The following SSH1 variants were observed in gnomAD, a reference collection of about 807,000 sequenced individuals.
SSH1 encodes slingshot protein phosphatase 1, also known as protein phosphatase Slingshot homolog 1.
In SSH1, 43 loss-of-function variants were observed where a neutral mutation model predicts 79.7. That is an observed-to-expected ratio of 0.54 (90% CI 0.42 to 0.70). The LOEUF (loss-of-function observed/expected upper bound fraction) is 0.70. Among genes scored for constraint, SSH1 ranks in the 30% least tolerant of loss-of-function variants. The probability of loss-of-function intolerance (pLI) is 0.00; values close to 1 mark genes in which losing one functional copy is unlikely to be tolerated. For synonymous variants in SSH1, 599 were observed against 538.3 expected (o/e 1.11, Z -1.56); for missense variants, 1,206 against 1,358.8 (o/e 0.89, Z 1.77).
intron 2 of SSH1, chr12:108,827,631 C>G (rs754347606): frequency 1.8e-6 from 2 of 1,121,478 alleles, no homozygotes; most frequent in Non-Finnish European, 2.2e-6. Flanking sequence ...TGCACTCCTA[C>G]GGGCTTTTCT....
intron 2 of SSH1, among the ~76,000 whole-genome samples, chr12:108,845,544 AGGTGT>A (rs951382723): frequency 6.6e-6 from 1 of 152,118 alleles, no homozygotes; most frequent in African/African-American, 2.4e-5. Flanking sequence ...AAAATTGGCC[AGGTGT>A]GGTGGTATGC....
chr12:108,817,378 A>C, intron 4 of SSH1: 1 of 522,666 alleles, frequency 1.9e-6, no homozygotes, highest in Non-Finnish European at 3.5e-6. Flanking sequence ...GTTCGAGACC[A>C]GCCTGGCCAA....
intron 2 of SSH1, among the ~76,000 whole-genome samples, chr12:108,845,136 G>A (rs144138825): frequency 6.2e-4 from 93 of 150,296 alleles, no homozygotes; most frequent in African/African-American, 2.2e-3. Flanking sequence ...TTGAACCCAG[G>A]AGGCAGAGGC....
intron 1 of SSH1, among the ~76,000 whole-genome samples, chr12:108,855,203 A>G (rs555855503): frequency 1.3e-5 from 2 of 152,360 alleles, no homozygotes; most frequent in Non-Finnish European, 2.9e-5. Context: ...ATGAACTTTG[A>G]AAACGTGATG....
intron 12 of SSH1, among the ~76,000 whole-genome samples, chr12:108,800,157 G>C (rs367691272): frequency 3.1e-4 from 47 of 152,308 alleles, no homozygotes; most frequent in African/African-American, 9.4e-4. Context: ...TGATTGTCTT[G>C]ACAGCATCTC....
intron 2 of SSH1, among the ~76,000 whole-genome samples, chr12:108,846,097 C>T (rs996865810): frequency 6.6e-6 from 1 of 151,988 alleles, no homozygotes; most frequent in African/African-American, 2.4e-5. Context: ...CAAGTGGAGA[C>T]CAAAAGGGGA....
At chr12:108,793,705 ATT>A (rs2036614303) in intron 13 of SSH1, among the ~76,000 whole-genome samples, 1 of 152,148 alleles carries the variant, frequency 6.6e-6, no homozygotes, top group African/African-American at 2.4e-5. Context: ...CCTGTAATAC[ATT>A]TTTAAAATGT....
In SSH1 at chr12:108,789,053, G is replaced by C; in HGVS notation, c.2085C>G (p.Ala695=). ...GCTTCTCCGGAACACGGGACCTGCT[G>C]GCCAAGTGGGCCACAGGGGAGGACG... ...HITSSPVAHL[A]SRSRVPEKPA... Residue 695 remains alanine (A), a synonymous_variant, in exon 15 of 15, where the codon GCC becomes GCG. Transcript: ENST00000326495. The C allele has an allele frequency of 6.2e-7, 1 of 1,610,150 alleles. No homozygotes were observed. The highest frequency in any genetic ancestry group is 1.1e-5 in the South Asian group (1 of 91,000).
In SSH1 at chr12:108,815,208, C is replaced by T. The variant is rs961470584; in HGVS notation, c.401+1830G>A. Among the ~76,000 whole-genome samples the T allele has an allele frequency of 3.3e-5, 5 of 152,224 alleles. No individual in the cohort carries two copies. The South Asian group carries it at 1.0e-3, about 32-fold the overall frequency. The stretch of plus-strand genomic sequence containing the variant: ...CTCCAAGTCCCAGCCCGGCCACTAA[C>T]CGGGATGACCCTGGGGTAATCACTG... On this transcript the variant is annotated intron_variant, in intron 5 of 14. Transcript: ENST00000326495.
rs1036489941 is a variant in SSH1, at chr12:108,809,288, C to CA, written c.536+404dup. On this transcript the variant is annotated intron_variant, in intron 7 of 14. Transcript: ENST00000326495. ...GCAACATAGTGAGACCCCATCTCTA[C>CA]AAAAAAAAAAATAGAAAAGTTAGCC... Among the ~76,000 whole-genome samples the CA allele has an allele frequency of 2.3e-3, 321 of 140,642 alleles. 1 individual carries two copies. Among genetic ancestry groups the CA allele is most frequent in the African/African-American group, 5.4e-3 (210 of 38,580 alleles). 92.3% of individuals were successfully genotyped at this position (140,642 alleles called of 152,430 possible). A position where few individuals can be genotyped will look rare whatever the true frequency, so the allele number is the denominator to read the frequency against.
intron 1 of SSH1, among the ~76,000 whole-genome samples, chr12:108,855,082 AT>A (rs2039118035): frequency 1.3e-5 from 2 of 152,216 alleles, no homozygotes; most frequent in Admixed American, 6.5e-5. Flanking sequence ...ATAATTGAAA[AT>A]GTATCTAGTA....
At chr12:108,801,340 G>A (rs2036994864) in intron 11 of SSH1, among the ~76,000 whole-genome samples, 1 of 152,114 alleles carries the variant, frequency 6.6e-6, no homozygotes, top group African/African-American at 2.4e-5. Context: ...CTTGGGAACT[G>A]CCTTAAATCT....
At chr12:108,827,055 T>G (rs918601694) in intron 2 of SSH1, among the ~76,000 whole-genome samples, 5 of 151,156 alleles carry the variant, frequency 3.3e-5, no homozygotes, top group Non-Finnish European at 5.9e-5. Flanking sequence ...AATGTTTTTA[T>G]CTCCACCACA....
intron 14 of SSH1, among the ~76,000 whole-genome samples, chr12:108,791,652 A>G (rs545233729): frequency 2.6e-5 from 4 of 152,152 alleles, no homozygotes; most frequent in Non-Finnish European, 5.9e-5. Context: ...CCAGCTACTC[A>G]GGAGGCTGAG....
In SSH1 at chr12:108,788,495, C is replaced by T. The variant is rs1277715389; in HGVS notation, c.2643G>A (p.Glu881=). 2 of 1,555,732 alleles carry T rather than the reference C, an allele frequency of 1.3e-6. No individual in the cohort carries two copies. The highest frequency in any genetic ancestry group is 1.7e-6 in the Non-Finnish European group (2 of 1,153,706). ...ATGAAGCGGGGGCGGCCTCTGACTT[C>T]TCATCACTCCCGGCCTGGCTGGGCA... ...LVMPSQAGSD[E]KSEAAPASLE... is the part of the protein sequence containing the mutation. The change falls in exon 15 of 15, where the codon GAG becomes GAA. Residue 881 remains glutamate, a synonymous_variant. Coordinates refer to ENST00000326495, the MANE Select transcript of SSH1 (RefSeq NM_018984.4).
chr12:108,809,088 C>A (rs2037440706), intron 7 of SSH1, among the ~76,000 whole-genome samples: 1 of 151,822 alleles, frequency 6.6e-6, no homozygotes, highest in South Asian at 2.1e-4. Flanking sequence ...CCCACCGTGG[C>A]CTCCCAAAGT....
chr12:108,837,503 G>T (rs1002361171), intron 2 of SSH1, among the ~76,000 whole-genome samples: 2 of 152,138 alleles, frequency 1.3e-5, no homozygotes, highest in Non-Finnish European at 2.9e-5. Context: ...GTATTCCAAG[G>T]GTAATGGAGT....
intron 2 of SSH1, among the ~76,000 whole-genome samples, chr12:108,845,512 A>AC (rs1231676930): frequency 6.6e-6 from 1 of 152,078 alleles, no homozygotes; most frequent in Non-Finnish European, 1.5e-5. Flanking sequence ...ACATGATGAA[A>AC]CCCTGTCTCT....
chr12:108,788,829 T>A lies in SSH1; in HGVS notation c.2309A>T (p.Glu770Val). The change falls in exon 15 of 15, where the codon GAA becomes GTA. Residue 770 changes from glutamate (E) to valine (V), a missense_variant. By Grantham distance (121) the Glu-to-Val change is moderately radical. Around this residue, in one of 5 missense-constraint regions of SSH1, gnomAD observed 709 missense variants for 730.6 expected, o/e 0.97. Transcript: ENST00000326495. ...TGACGATTCTTCCTTTATTACCACT[T>A]CTGTGCTGGGAGGGTTCTTATCACA... The part of the protein sequence containing the change: ...SHCDKNPPST[E>V]VVIKEESSPK... The A allele has an allele frequency of 6.2e-7, 1 of 1,614,222 alleles. No homozygotes were observed.
Sources: gnomAD v4.1 joint callset for allele counts (sites outside exome capture counted in the v4.1 genomes callset) on GRCh38, gnomAD v4.1.1 for gene constraint, gnomAD v4.1.1 regional missense constraint, MANE v1.5 for transcripts, NCBI Gene and HGNC (gene_info 2026-07-23, HGNC 2026-07-21) for gene names.